The following BBS9 variants were observed in gnomAD, a reference collection of about 807,000 sequenced individuals.
BBS9 encodes protein PTHB1.
Under a neutral mutation model 117.7 loss-of-function variants are expected in BBS9, and 89 were observed. That is an observed-to-expected ratio of 0.76 (90% CI 0.64 to 0.90). BBS9 has a LOEUF of 0.90. BBS9 is among the 40% of genes least tolerant of loss of function. The pLI is 0.00. For synonymous variants in BBS9, 379 were observed against 370.9 expected (o/e 1.02, Z -0.25); for missense variants, 982 against 1,042.2 (o/e 0.94, Z 0.80).
chr7:33,320,862 G>C (rs1562991983), intron 9 of BBS9, among the ~76,000 whole-genome samples: 1 of 151,852 alleles, frequency 6.6e-6, no homozygotes, highest in Non-Finnish European at 1.5e-5. Flanking sequence ...TTCATAGTTT[G>C]AGATAAAAGA....
chr7:33,147,317 T>C (rs1286428058), intron 2 of BBS9, among the ~76,000 whole-genome samples: 1 of 152,236 alleles, frequency 6.6e-6, no homozygotes, highest in Non-Finnish European at 1.5e-5. Context: ...AACTATTCTT[T>C]TGTTTACTGC....
chr7:33,346,351 C>G, intron 12 of BBS9: 1 of 429,666 alleles, frequency 2.3e-6, no homozygotes, highest in East Asian at 7.3e-5. Flanking sequence ...GATGCGTGAC[C>G]ATCTATTCCA....
chr7:33,292,869 G>A (rs906643684), intron 9 of BBS9, among the ~76,000 whole-genome samples: 1 of 151,972 alleles, frequency 6.6e-6, no homozygotes, highest in African/African-American at 2.4e-5. Context: ...AGCCAGGCGC[G>A]GTGGCAGGTG....
chr7:33,336,643 T>C, intron 10 of BBS9, 21 bp downstream of exon 10: 1 of 1,526,072 alleles, frequency 6.6e-7, no homozygotes, highest in Non-Finnish European at 9.0e-7. Flanking sequence ...TGCAGCTTTT[T>C]ATTATTTTAG....
intron 6 of BBS9, among the ~76,000 whole-genome samples, chr7:33,263,111 A>G (rs1583956711): frequency 6.6e-6 from 1 of 152,176 alleles, no homozygotes; most frequent in Non-Finnish European, 1.5e-5. Context: ...TATTAATAAG[A>G]TCTATTTTTT....
intron 19 of BBS9, among the ~76,000 whole-genome samples, chr7:33,490,230 C>T (rs550118348): frequency 2.0e-5 from 3 of 152,140 alleles, no homozygotes; most frequent in Admixed American, 6.6e-5. Flanking sequence ...CAAATTTGGA[C>T]ATTTCAAGAA....
At chr7:33,159,322 G>A (rs979930782) in intron 4 of BBS9, among the ~76,000 whole-genome samples, 1 of 152,142 alleles carries the variant, frequency 6.6e-6, no homozygotes, top group Admixed American at 6.5e-5. Flanking sequence ...AGTGGATTTT[G>A]TAAGGTAGGA....
intron 9 of BBS9, chr7:33,276,972 G>C (rs1380693436): frequency 8.4e-6 from 2 of 237,268 alleles, no homozygotes; most frequent in Non-Finnish European, 1.8e-5. Context: ...CCCAGAAGGG[G>C]TCTGTGGTGG....
At chr7:33,499,489 C>G (rs1053234553) in intron 19 of BBS9, among the ~76,000 whole-genome samples, 1 of 152,150 alleles carries the variant, frequency 6.6e-6, no homozygotes, top group Non-Finnish European at 1.5e-5. Context: ...TCTATGCTGA[C>G]CTTTTATTAC....
chr7:33,367,789 T>C lies in BBS9; in HGVS notation c.1716T>C (p.Asp572=), dbSNP rs1411655897. The C allele has an allele frequency of 1.9e-6, 3 of 1,613,932 alleles. No homozygotes were observed. Among genetic ancestry groups the C allele is most frequent in the Admixed American group, 1.7e-5 (1 of 60,030 alleles). Residue 572 remains aspartate, a synonymous_variant, in exon 17 of 23, where the codon GAT becomes GAC. Transcript: ENST00000242067. ...LFPGFASQSD[D]DQVNVMGFHF... The stretch of plus-strand genomic sequence containing the variant: ...TAGGTTTTGCCAGTCAGTCAGATGA[T>C]GATCAGGTGAATGTAATGGGTTTTC...
intron 21 of BBS9, among the ~76,000 whole-genome samples, chr7:33,634,991 C>T (rs1380249861): frequency 6.6e-6 from 1 of 152,170 alleles, no homozygotes; most frequent in Non-Finnish European, 1.5e-5. Context: ...GTGTCCTTGG[C>T]CTCCCACACT....
intron 19 of BBS9, among the ~76,000 whole-genome samples, chr7:33,400,583 C>G (rs1406479753): frequency 6.6e-6 from 1 of 152,110 alleles, no homozygotes; most frequent in Non-Finnish European, 1.5e-5. Flanking sequence ...TTCTCTCTCT[C>G]TTTAAGTAGA....
At chr7:33,400,052 G>T (rs771222262) in intron 19 of BBS9, among the ~76,000 whole-genome samples, 2 of 151,912 alleles carry the variant, frequency 1.3e-5, no homozygotes, top group Non-Finnish European at 2.9e-5. Flanking sequence ...TGAGTTTTCT[G>T]CTTGCTAGTG....
intron 5 of BBS9, among the ~76,000 whole-genome samples, chr7:33,219,303 C>A (rs916867355): frequency 6.6e-6 from 1 of 152,188 alleles, no homozygotes; most frequent in Non-Finnish European, 1.5e-5. Flanking sequence ...CGGTGAGCGC[C>A]GCCCCGTGCT....
rs1009411328 is a variant in BBS9 at position 33,369,865 on chromosome 7, T to C, written c.1789+2003T>C. 7.2e-5 allele frequency among the ~76,000 whole-genome samples: 11 copies of C among 152,196 alleles called. No individual in the cohort carries two copies. In the South Asian group the frequency reaches 8.3e-4, roughly 11 times the overall value. ...TCCAGCAATCTGCTTTACAGAAAAATCCTACAAATGAAAGAACCTAGTATT... is the reference window on the plus strand; with the variant it reads ...TCCAGCAATCTGCTTTACAGAAAAACCCTACAAATGAAAGAACCTAGTATT... On this transcript the variant is annotated intron_variant, in intron 17 of 22. Coordinates refer to ENST00000242067, the MANE Select transcript of BBS9 (RefSeq NM_198428.3).
At chr7:33,462,623 AGTG>A (rs940142789) in intron 19 of BBS9, among the ~76,000 whole-genome samples, 33 of 152,126 alleles carry the variant, frequency 2.2e-4, no homozygotes, top group African/African-American at 8.0e-4. Flanking sequence ...TGACAGAAAA[AGTG>A]GTGGTAAGTT....
chr7:33,577,596 C>A (rs555072165), intron 21 of BBS9, among the ~76,000 whole-genome samples: 1 of 152,110 alleles, frequency 6.6e-6, no homozygotes, highest in Admixed American at 6.6e-5. Flanking sequence ...TAAAGACACA[C>A]GCACACGTAT....
chr7:33,560,738 T>A (rs1383127890), intron 21 of BBS9, among the ~76,000 whole-genome samples: 4 of 152,160 alleles, frequency 2.6e-5, no homozygotes, highest in Non-Finnish European at 5.9e-5. Flanking sequence ...GAAAGATAGA[T>A]GTTTATTCTT....
At chr7:33,150,184 A>G (rs1053148147) in intron 2 of BBS9, among the ~76,000 whole-genome samples, 3 of 152,222 alleles carry the variant, frequency 2.0e-5, no homozygotes, top group Admixed American at 6.5e-5. Context: ...AAGCCCCACT[A>G]TCTGAGTAGT....
Sources: gnomAD v4.1 joint callset for allele counts (sites outside exome capture counted in the v4.1 genomes callset) on GRCh38, gnomAD v4.1.1 for gene constraint, MANE v1.5 for transcripts, NCBI Gene and HGNC (gene_info 2026-07-23, HGNC 2026-07-21) for gene names.